NUFIP2: variants seen among roughly 807,000 people sequenced by gnomAD.
NUFIP2 encodes the protein nuclear FMR1 interacting protein 2, also known as FMR1-interacting protein NUFIP2.
Under a neutral mutation model 56.9 loss-of-function variants are expected in NUFIP2, and 6 were observed. The ratio of observed to expected loss-of-function variants is 0.11; its 90% CI spans 0.06 to 0.21. The LOEUF (loss-of-function observed/expected upper bound fraction) is 0.21, where lower values mean the gene tolerates loss of function less well. NUFIP2 is among the 10% of genes least tolerant of loss of function. NUFIP2 has a pLI of 1.00. For synonymous variants in NUFIP2, 321 were observed against 298.2 expected (o/e 1.08, Z -0.79); for missense variants, 828 against 826.8 (o/e 1.00, Z -0.02).
In NUFIP2 at chr17:29,271,106, T is replaced by C. The variant is rs191637225; in HGVS notation, c.2003-3576A>G. ...TCAAATACTATACATTTAAAAATGATTTATGATAAAATGTTATTACCCTTA... is the reference window on the plus strand; with the variant it reads ...TCAAATACTATACATTTAAAAATGACTTATGATAAAATGTTATTACCCTTA... On this transcript the variant is annotated intron_variant, in intron 2 of 3. Coordinates refer to ENST00000225388, the MANE Select transcript of NUFIP2 (RefSeq NM_020772.3). Among the ~76,000 whole-genome samples the C allele has an allele frequency of 2.6e-5, 4 of 152,324 alleles. No individual in the cohort carries two copies. In the East Asian group the frequency reaches 7.7e-4, roughly 29 times the overall value.
At position 29,276,357 on chromosome 17, in the gene NUFIP2, C is replaced by T. The variant is rs534042617; in HGVS notation, c.2003-8827G>A. Among the ~76,000 whole-genome samples, 29 of 152,246 alleles carry T rather than the reference C, an allele frequency of 1.9e-4. No individual in the cohort carries two copies. In the South Asian group the frequency reaches 4.6e-3, roughly 24 times the overall value. On this transcript the variant is annotated intron_variant, in intron 2 of 3. Transcript: ENST00000225388. ...CGGAATCCTGACTGCCCTTCCCTCACCTTGCCCCCATCTTAGGGGTTCCAA... is the reference window on the plus strand; with the variant it reads ...CGGAATCCTGACTGCCCTTCCCTCATCTTGCCCCCATCTTAGGGGTTCCAA...
intron 2 of NUFIP2, among the ~76,000 whole-genome samples, chr17:29,282,904 A>G (rs1239951906): frequency 6.6e-6 from 1 of 152,226 alleles, no homozygotes; most frequent in Non-Finnish European, 1.5e-5. Context: ...ATCTCCAAAT[A>G]TAATTCAAGT....
rs992970069 is a variant in NUFIP2 at position 29,282,135 on chromosome 17, A to T, written c.2002+3857T>A. On this transcript the variant is annotated intron_variant, in intron 2 of 3. Transcript: ENST00000225388. Reference sequence around the variant, plus strand: ...TGTACTTAACACTCAAATTTTTAAAAATCCATAGTACGCTTAAGGTTCCAA... The same window carrying T: ...TGTACTTAACACTCAAATTTTTAAATATCCATAGTACGCTTAAGGTTCCAA... Among the ~76,000 whole-genome samples, 5 of 152,090 alleles carry T rather than the reference A, an allele frequency of 3.3e-5. No homozygotes were observed. The East Asian group carries it at 9.6e-4, about 29-fold the overall frequency.
chr17:29,274,273 C>T (rs2069094077), intron 2 of NUFIP2, among the ~76,000 whole-genome samples: 1 of 152,176 alleles, frequency 6.6e-6, no homozygotes, highest in Non-Finnish European at 1.5e-5. Flanking sequence ...CACTTGAGAC[C>T]AGCCTTAGCA....
intron 2 of NUFIP2, among the ~76,000 whole-genome samples, chr17:29,267,813 C>A (rs1460294058): frequency 6.6e-6 from 1 of 152,184 alleles, no homozygotes; most frequent in African/African-American, 2.4e-5. Context: ...CCATCACACC[C>A]AGCTAATTTT....
At chr17:29,267,614 C>T in intron 2 of NUFIP2, 84 bp from the exon 3 acceptor site, 1 of 831,708 alleles carries the variant, frequency 1.2e-6, no homozygotes, top group Non-Finnish European at 1.9e-6. Flanking sequence ...TCTAAAAATC[C>T]TAGACTGATT....
chr17:29,266,188 A>C (rs1237507703), intron 3 of NUFIP2, among the ~76,000 whole-genome samples: 1 of 151,614 alleles, frequency 6.6e-6, no homozygotes, highest in African/African-American at 2.4e-5. Flanking sequence ...CTGGTCTTGA[A>C]CTCCTGAACC....
In NUFIP2 at chr17:29,259,346, C is replaced by G. The variant is rs575262888; in HGVS notation, c.*5193G>C. On this transcript the variant is annotated 3_prime_UTR_variant, in exon 4 of 4. Coordinates refer to ENST00000225388, the MANE Select transcript of NUFIP2 (RefSeq NM_020772.3). ...CCTGTAATTCCAGCACTTTGGGAGG[C>G]TGAGGCGGGCAGATTGCCTGAGGTC... The G allele has an allele frequency of 6.6e-6, 1 of 152,350 alleles. No individual in the cohort carries two copies. Among genetic ancestry groups the G allele is most frequent in the South Asian group, 2.1e-4 (1 of 4,824 alleles). 9.4% of individuals were successfully genotyped at this position (152,350 alleles called of 1,614,324 possible).
Position 29,267,544 on chromosome 17 carries a change from A to G in NUFIP2, c.2003-14T>C, listed in dbSNP as rs750411377. On this transcript the variant is annotated splice_polypyrimidine_tract_variant and intron_variant, in intron 2 of 3. Coordinates refer to ENST00000225388, the MANE Select transcript of NUFIP2 (RefSeq NM_020772.3). ...TAGATTCCATTTCTGCAAAGAAAAA[A>G]AGAGAATTACATACTAAGTTTTGGT... 5 of 1,515,760 alleles carry G rather than the reference A, an allele frequency of 3.3e-6. No individual in the cohort carries two copies. In the African/African-American group the frequency reaches 4.2e-5, roughly 13 times the overall value. The allele number at this position is 1,515,760 out of a possible 1,614,324, so 93.9% of individuals were successfully genotyped here. A position where few individuals can be genotyped will look rare whatever the true frequency, so the allele number is the denominator to read the frequency against.
rs944464289 is a variant in NUFIP2, at chr17:29,258,475, T to A, written c.*6064A>T. On this transcript the variant is annotated 3_prime_UTR_variant, in exon 4 of 4. Coordinates refer to ENST00000225388, the MANE Select transcript of NUFIP2 (RefSeq NM_020772.3). ...TAAGTCCCCAGCTTACATAGACAAA[T>A]GTTTTCTAAAAGATCAGCAACAAAT... 7.9e-5 allele frequency: 12 copies of A among 152,170 alleles called. No individual in the cohort carries two copies. The highest frequency in any genetic ancestry group is 2.9e-4 in the African/African-American group (12 of 41,454). 9.4% of individuals were successfully genotyped at this position (152,170 alleles called of 1,614,324 possible).
rs1333579624 is a variant in NUFIP2 at position 29,259,779 on chromosome 17, A to G, written c.*4760T>C. On this transcript the variant is annotated 3_prime_UTR_variant, in exon 4 of 4. Transcript: ENST00000225388. ...AGAGCAACATACCAATCATGCTGCA[A>G]TGGGTGTTTTTATTATGCAGACAAC... The G allele has an allele frequency of 1.3e-5, 2 of 152,168 alleles. No homozygotes were observed. Among genetic ancestry groups the G allele is most frequent in the Non-Finnish European group, 1.5e-5 (1 of 68,024 alleles). The allele number at this position is 152,168 out of a possible 1,614,324, so 9.4% of individuals were successfully genotyped here.
chr17:29,293,688 C>A, intron 1 of NUFIP2, 95 bp downstream of exon 1: 1 of 1,345,998 alleles, frequency 7.4e-7, no homozygotes, highest in Non-Finnish European at 1.0e-6. Context: ...CACACACACC[C>A]CGACCCCGTC....
chr17:29,290,482 C>A (rs1193902147), intron 1 of NUFIP2, among the ~76,000 whole-genome samples: 1 of 151,032 alleles, frequency 6.6e-6, no homozygotes, highest in African/African-American at 2.4e-5. Flanking sequence ...TGGTGAAGTC[C>A]TATCTCTACT....
At position 29,293,820 on chromosome 17, in the gene NUFIP2, G is replaced by A. The variant is rs534274550; in HGVS notation, c.240C>T (p.Thr80=). 5.0e-6 allele frequency: 8 copies of A among 1,603,274 alleles called. No individual in the cohort carries two copies. In the South Asian group the frequency reaches 6.6e-5, roughly 13 times the overall value. ...TCGGCGTTTCCTGGTGCTGCTGGAG[G>A]GTGTGTTTCTGCTCATGTTTCAGCG... The part of the protein sequence containing the change: ...PKPLKHEQKH[T]LQQHQETPKK... The change falls in exon 1 of 4, where the codon ACC becomes ACT. Residue 80 remains threonine (T), a synonymous_variant. Coordinates refer to ENST00000225388, the MANE Select transcript of NUFIP2 (RefSeq NM_020772.3).
At chr17:29,292,279 G>A (rs1205991375) in intron 1 of NUFIP2, among the ~76,000 whole-genome samples, 1 of 151,998 alleles carries the variant, frequency 6.6e-6, no homozygotes, top group Non-Finnish European at 1.5e-5. Context: ...TTAAGGACAA[G>A]AAAGAGGGGT....
At chr17:29,273,497 TACACACACACACAC>T (rs61077728) in intron 2 of NUFIP2, among the ~76,000 whole-genome samples, 29 of 149,060 alleles carry the variant, frequency 1.9e-4, no homozygotes, top group African/African-American at 7.1e-4. Flanking sequence ...TGCTCTCTTC[TACACACACACACAC>T]ACACACACAC....
intron 1 of NUFIP2, among the ~76,000 whole-genome samples, chr17:29,292,634 C>A (rs1411361397): frequency 6.7e-6 from 1 of 148,914 alleles, no homozygotes; most frequent in African/African-American, 2.5e-5. Context: ...CCTCTAGGAG[C>A]GCCGCGGCCG....
chr17:29,260,240 A>T lies in NUFIP2; in HGVS notation c.*4299T>A, dbSNP rs1009132236. Reference sequence around the variant, plus strand: ...CGTTTTCCTTTCAAATCCAACAGTTAAGTCATGGGTAGGGTTATTAAGATA... The same window carrying T: ...CGTTTTCCTTTCAAATCCAACAGTTTAGTCATGGGTAGGGTTATTAAGATA... On this transcript the variant is annotated 3_prime_UTR_variant, in exon 4 of 4. Coordinates refer to ENST00000225388, the MANE Select transcript of NUFIP2 (RefSeq NM_020772.3). 3 of 152,130 alleles carry T rather than the reference A, an allele frequency of 2.0e-5. No homozygotes were observed. The highest frequency in any genetic ancestry group is 3.9e-4 in the East Asian group (2 of 5,190). 9.4% of individuals were successfully genotyped at this position (152,130 alleles called of 1,614,324 possible).
chr17:29,281,644 G>C (rs997502158), intron 2 of NUFIP2, among the ~76,000 whole-genome samples: 2 of 146,844 alleles, frequency 1.4e-5, no homozygotes, highest in Non-Finnish European at 3.0e-5. Context: ...AGCTACGATA[G>C]TGCCACTGCA....
Sources: gnomAD v4.1 joint callset for allele counts (sites outside exome capture counted in the v4.1 genomes callset) on GRCh38, gnomAD v4.1.1 for gene constraint, MANE v1.5 for transcripts, NCBI Gene and HGNC (gene_info 2026-07-23, HGNC 2026-07-21) for gene names.